The following TNNI3K variants were observed in gnomAD, a reference collection of about 807,000 sequenced individuals.
TNNI3K encodes TNNI3 interacting kinase.
TNNI3K carries 140 observed loss-of-function variants against 114.5 expected under a neutral mutation model. That is an observed-to-expected ratio of 1.22 (90% CI 1.07 to 1.41). The LOEUF (loss-of-function observed/expected upper bound fraction) is 1.41. Among genes scored for constraint, TNNI3K ranks in the 40% most tolerant of loss-of-function variants. The probability of loss-of-function intolerance (pLI) is 0.00; values close to 1 mark genes in which losing one functional copy is unlikely to be tolerated. For missense variants in TNNI3K, 1,125 were observed against 1,007.6 expected (o/e 1.12, Z -1.58); for synonymous variants, 347 against 347.5 (o/e 1.00, Z 0.02).
At chr1:74,510,381 G>C (rs1275535490) in intron 23 of TNNI3K, among the ~76,000 whole-genome samples, 1 of 152,066 alleles carries the variant, frequency 6.6e-6, no homozygotes, top group East Asian at 1.9e-4. Flanking sequence ...GGTGCCTGGC[G>C]CCTGTAGTCC....
chr1:74,456,397 A>G (rs1466665323), intron 20 of TNNI3K, among the ~76,000 whole-genome samples: 5 of 152,170 alleles, frequency 3.3e-5, no homozygotes, highest in Non-Finnish European at 7.3e-5. Flanking sequence ...AGGCAAGATG[A>G]AAAATAAGCA....
At chr1:74,253,638 G>A (rs1276810912) in intron 4 of TNNI3K, among the ~76,000 whole-genome samples, 1 of 152,042 alleles carries the variant, frequency 6.6e-6, no homozygotes, top group Non-Finnish European at 1.5e-5. Context: ...CGCTCGGAGT[G>A]CGGGCCCGCC....
intron 6 of TNNI3K, among the ~76,000 whole-genome samples, chr1:74,332,976 A>AAAAAGAAAAAGAG (rs57556485): frequency 1.1e-5 from 1 of 90,708 alleles, no homozygotes; most frequent in Non-Finnish European, 2.3e-5. Flanking sequence ...AAAAAAAAAA[A>AAAAAGAAAAAGAG]AGAGAGAGAC....
chr1:74,503,072 C>T (rs550828751), intron 23 of TNNI3K, among the ~76,000 whole-genome samples: 105 of 152,268 alleles, frequency 6.9e-4, no homozygotes, highest in African/African-American at 2.4e-3. Flanking sequence ...CTTTTCACTT[C>T]CTCATTAAAC....
intron 20 of TNNI3K, among the ~76,000 whole-genome samples, chr1:74,453,673 A>T (rs182354198): frequency 6.6e-6 from 1 of 152,154 alleles, no homozygotes; most frequent in African/African-American, 2.4e-5. Context: ...CACATGTTCA[A>T]ATTAACCTGT....
At chr1:74,485,317 C>A (rs1481697222) in intron 21 of TNNI3K, among the ~76,000 whole-genome samples, 2 of 152,188 alleles carry the variant, frequency 1.3e-5, no homozygotes, top group Non-Finnish European at 2.9e-5. Context: ...GAACAATGCC[C>A]TGCATGGGGC....
At chr1:74,349,821 CCT>C (rs1289444651) in intron 9 of TNNI3K, among the ~76,000 whole-genome samples, 20 of 151,934 alleles carry the variant, frequency 1.3e-4, no homozygotes, top group Non-Finnish European at 2.8e-4. Context: ...GGTGATATCC[CCT>C]GTGTCATTTT....
At chr1:74,247,526 T>C (rs1654650270) in intron 2 of TNNI3K, among the ~76,000 whole-genome samples, 1 of 152,194 alleles carries the variant, frequency 6.6e-6, no homozygotes, top group South Asian at 2.1e-4. Context: ...TATTCCCTTA[T>C]TTGGCCCCAC....
At chr1:74,344,980 C>A (rs1660924969) in intron 9 of TNNI3K, among the ~76,000 whole-genome samples, 1 of 151,970 alleles carries the variant, frequency 6.6e-6, no homozygotes. Flanking sequence ...TGTATACACA[C>A]ACATATACAA....
intron 5 of TNNI3K, among the ~76,000 whole-genome samples, chr1:74,314,725 T>C (rs1659208925): frequency 6.6e-6 from 1 of 152,134 alleles, no homozygotes; most frequent in Non-Finnish European, 1.5e-5. Flanking sequence ...AATGAAATGC[T>C]GATAGTGAAA....
At chr1:74,455,737 G>A (rs926603467) in intron 20 of TNNI3K, among the ~76,000 whole-genome samples, 1 of 152,142 alleles carries the variant, frequency 6.6e-6, no homozygotes, top group African/African-American at 2.4e-5. Context: ...GCATGTCACA[G>A]CCCCAGAAAA....
chr1:74,499,914 G>A (rs1669521711), intron 23 of TNNI3K, among the ~76,000 whole-genome samples: 1 of 151,950 alleles, frequency 6.6e-6, no homozygotes, highest in South Asian at 2.1e-4. Context: ...AAATCGTTTG[G>A]ACTAATTGCA....
chr1:74,464,532 G>T, intron 21 of TNNI3K: 1 of 1,428,246 alleles, frequency 7.0e-7, no homozygotes, highest in Non-Finnish European at 9.1e-7. Flanking sequence ...AGAGAATAAA[G>T]TGAGGCTATT....
chr1:74,380,511 G>A (rs903956212), intron 17 of TNNI3K, among the ~76,000 whole-genome samples: 2 of 152,126 alleles, frequency 1.3e-5, no homozygotes, highest in African/African-American at 4.8e-5. Context: ...GTGGAAGGGA[G>A]AAGCGACGCC....
chr1:74,403,523 TTTA>T (rs1246634747), intron 17 of TNNI3K, among the ~76,000 whole-genome samples: 2 of 152,184 alleles, frequency 1.3e-5, no homozygotes, highest in African/African-American at 2.4e-5. Context: ...AGACATTTGA[TTTA>T]TTATTATTGT....
intron 9 of TNNI3K, among the ~76,000 whole-genome samples, chr1:74,348,047 G>A (rs984471666): frequency 3.3e-5 from 5 of 152,142 alleles, no homozygotes; most frequent in Non-Finnish European, 5.9e-5. Context: ...ATTGCTTTTG[G>A]TGTTTTAGAC....
At chr1:74,307,434 G>A (rs1473875846) in intron 5 of TNNI3K, among the ~76,000 whole-genome samples, 1 of 152,018 alleles carries the variant, frequency 6.6e-6, no homozygotes, top group Non-Finnish European at 1.5e-5. Flanking sequence ...GTAACAGGAT[G>A]GAGAAAGATC....
intron 5 of TNNI3K, among the ~76,000 whole-genome samples, chr1:74,277,938 T>C (rs1656781241): frequency 6.6e-6 from 1 of 152,224 alleles, no homozygotes; most frequent in Non-Finnish European, 1.5e-5. Context: ...ATTTTGGAAC[T>C]TATTTCTGAT....
intron 5 of TNNI3K, among the ~76,000 whole-genome samples, chr1:74,287,047 A>G (rs953661618): frequency 1.3e-5 from 2 of 152,080 alleles, no homozygotes; most frequent in East Asian, 3.9e-4. Flanking sequence ...AAAGAGCACA[A>G]TGATTGAACT....
Sources: gnomAD v4.1 joint callset for allele counts (sites outside exome capture counted in the v4.1 genomes callset) on GRCh38, gnomAD v4.1.1 for gene constraint, MANE v1.5 for transcripts, NCBI Gene and HGNC (gene_info 2026-07-23, HGNC 2026-07-21) for gene names.